TUSC3: variants seen among roughly 807,000 people sequenced by gnomAD.
TUSC3 encodes dolichyl-diphosphooligosaccharide--protein glycosyltransferase subunit TUSC3.
A neutral mutation model predicts 44.8 loss-of-function variants in TUSC3; 45 were observed. The observed-to-expected ratio is 1.00, with a 90% confidence interval of 0.79 to 1.29. TUSC3 has a LOEUF of 1.29. Among genes scored for constraint, TUSC3 ranks in the 50% most tolerant of loss-of-function variants. The probability of loss-of-function intolerance (pLI) is 0.00; values close to 1 mark genes in which losing one functional copy is unlikely to be tolerated. For missense variants in TUSC3, 519 were observed against 437.9 expected, an observed-to-expected ratio of 1.19 and a Z score of -1.65; for synonymous variants, 212 against 152.9, an observed-to-expected ratio of 1.39 and a Z score of -2.85.
At chr8:15,441,925 G>C (rs1425912216) in intron 1 of TUSC3, among the ~76,000 whole-genome samples, 1 of 152,068 alleles carries the variant, frequency 6.6e-6, no homozygotes, top group African/African-American at 2.4e-5. Flanking sequence ...TGATCTGAAA[G>C]CAAGTCCCCA....
In TUSC3 at chr8:15,643,743, G is replaced by A. The variant is rs190817597; in HGVS notation, c.309-6954G>A. The stretch of plus-strand genomic sequence containing the variant: ...TACTTAATATATTTCAGTGAATTCA[G>A]CTGGGCCCTGATATGTATAGCGCAA... On this transcript the variant is annotated intron_variant, in intron 2 of 10. Transcript: ENST00000503731. Among the ~76,000 whole-genome samples, 26 of 152,242 alleles carry A rather than the reference G, an allele frequency of 1.7e-4. No homozygotes were observed. In the East Asian group the frequency reaches 3.9e-3, roughly 23 times the overall value.
At chr8:15,428,238 C>A (rs73189468) in intron 1 of TUSC3, among the ~76,000 whole-genome samples, 1 of 149,344 alleles carries the variant, frequency 6.7e-6, no homozygotes, top group Non-Finnish European at 1.5e-5. Flanking sequence ...TTTGTCCTCA[C>A]GATACTTCGC....
At chr8:15,695,125 A>G (rs1234355156) in intron 6 of TUSC3, among the ~76,000 whole-genome samples, 2 of 152,164 alleles carry the variant, frequency 1.3e-5, no homozygotes, top group Non-Finnish European at 1.5e-5. Flanking sequence ...GTCAGTGGAA[A>G]GATCGGGTAC....
chr8:15,470,385 C>T (rs1040871030), intron 1 of TUSC3, among the ~76,000 whole-genome samples: 4 of 151,860 alleles, frequency 2.6e-5, no homozygotes, highest in African/African-American at 7.3e-5. Context: ...CTTCCTTATA[C>T]ATTGTCATTA....
chr8:15,782,137 A>G, the TUSC3 span, among the ~76,000 whole-genome samples: 1 of 152,166 alleles, frequency 6.6e-6, no homozygotes, highest in African/African-American at 2.4e-5. Flanking sequence ...TCCATCTCAA[A>G]AAAAGAAAAA....
intron 5 of TUSC3, among the ~76,000 whole-genome samples, chr8:15,673,134 A>G (rs529403588): frequency 1.3e-5 from 2 of 152,206 alleles, no homozygotes; most frequent in South Asian, 2.1e-4. Flanking sequence ...TGGATCTTCA[A>G]TATTAGTTTT....
intron 6 of TUSC3, among the ~76,000 whole-genome samples, chr8:15,686,928 C>T (rs1047542632): frequency 2.0e-5 from 3 of 152,038 alleles, no homozygotes; most frequent in East Asian, 1.9e-4. Flanking sequence ...ATTAGCCGGG[C>T]ATGGTGGCAG....
chr8:15,813,389 C>CCA, the TUSC3 span, among the ~76,000 whole-genome samples: 1 of 145,130 alleles, frequency 6.9e-6, no homozygotes, highest in Non-Finnish European at 1.5e-5. Context: ...AACAAACAAA[C>CCA]AAAAAAAAAA....
intron 2 of TUSC3, among the ~76,000 whole-genome samples, chr8:15,519,711 C>G (rs1801268276): frequency 6.6e-6 from 1 of 152,156 alleles, no homozygotes; most frequent in South Asian, 2.1e-4. Context: ...TTCCATGAAA[C>G]AAGTCCCATC....
chr8:15,452,308 A>G (rs1800204819), intron 1 of TUSC3, among the ~76,000 whole-genome samples: 1 of 152,166 alleles, frequency 6.6e-6, no homozygotes, highest in South Asian at 2.1e-4. Flanking sequence ...TCTAGGTATA[A>G]ATGCTGAATT....
chr8:15,644,684 G>A (rs919233291), intron 2 of TUSC3, among the ~76,000 whole-genome samples: 1 of 151,850 alleles, frequency 6.6e-6, no homozygotes, highest in African/African-American at 2.4e-5. Context: ...TTGTTATTGG[G>A]GCACATTTTT....
At chr8:15,535,118 T>A (rs1229723419) in intron 2 of TUSC3, among the ~76,000 whole-genome samples, 2 of 152,212 alleles carry the variant, frequency 1.3e-5, no homozygotes, top group Non-Finnish European at 2.9e-5. Context: ...ACTGTTTGTA[T>A]GATAACTTTT....
intron 1 of TUSC3, among the ~76,000 whole-genome samples, chr8:15,578,120 G>T (rs990045567): frequency 1.3e-5 from 2 of 149,314 alleles, no homozygotes; most frequent in African/African-American, 4.9e-5. Flanking sequence ...CCGTTTGTCT[G>T]TTGTTGGTGT....
intron 1 of TUSC3, among the ~76,000 whole-genome samples, chr8:15,446,417 C>T (rs529604248): frequency 2.6e-5 from 4 of 152,062 alleles, no homozygotes; most frequent in Non-Finnish European, 5.9e-5. Context: ...GATCACGCCA[C>T]TGCACTCCAG....
intron 6 of TUSC3, among the ~76,000 whole-genome samples, chr8:15,676,723 C>T (rs1211199411): frequency 6.6e-6 from 1 of 152,134 alleles, no homozygotes; most frequent in Non-Finnish European, 1.5e-5. Context: ...AAAGGACAGC[C>T]TCCTATACCC....
At chr8:15,510,660 A>G (rs1226457975) in intron 2 of TUSC3, among the ~76,000 whole-genome samples, 1 of 152,116 alleles carries the variant, frequency 6.6e-6, no homozygotes, top group Admixed American at 6.6e-5. Context: ...CAAACATTTG[A>G]GGAGGAGATG....
chr8:15,417,342 C>G (rs1242142159), intron 1 of TUSC3: 1 of 152,264 alleles, frequency 6.6e-6, no homozygotes, highest in South Asian at 2.1e-4. Context: ...ATAAATTACA[C>G]AGTCTCAGGT....
At chr8:15,508,614 A>G (rs915971248) in intron 2 of TUSC3, among the ~76,000 whole-genome samples, 1 of 151,782 alleles carries the variant, frequency 6.6e-6, no homozygotes, top group African/African-American at 2.4e-5. Flanking sequence ...GGCGCCTGCC[A>G]CCATGCCCGG....
At chr8:15,671,669 C>T (rs1807951423) in intron 5 of TUSC3, among the ~76,000 whole-genome samples, 1 of 151,954 alleles carries the variant, frequency 6.6e-6, no homozygotes, top group Non-Finnish European at 1.5e-5. Flanking sequence ...TGGTGACATA[C>T]CGTAAATAGT....
Sources: gnomAD v4.1 joint callset for allele counts (sites outside exome capture counted in the v4.1 genomes callset) on GRCh38, gnomAD v4.1.1 for gene constraint, MANE v1.5 for transcripts, NCBI Gene and HGNC (gene_info 2026-07-23, HGNC 2026-07-21) for gene names.